Variants in KIF1A observed in about 807,000 individuals in gnomAD.
KIF1A encodes kinesin family member 1A.
Under a neutral mutation model 227.3 loss-of-function variants are expected in KIF1A, and 46 were observed. The ratio of observed to expected loss-of-function variants is 0.20; its 90% CI spans 0.16 to 0.26. The LOEUF (loss-of-function observed/expected upper bound fraction) is 0.26. KIF1A is among the 10% of genes least tolerant of loss of function. The pLI, the probability that KIF1A is intolerant of heterozygous loss-of-function variation, is 1.00. For missense variants in KIF1A, 1,683 were observed against 2,485.9 expected (o/e 0.68, Z 6.87); for synonymous variants, 1,022 against 1,012.8 (o/e 1.01, Z -0.17).
At chr2:240,779,908 C>T (rs560783639) in intron 10 of KIF1A, among the ~76,000 whole-genome samples, 1 of 152,174 alleles carries the variant, frequency 6.6e-6, no homozygotes, top group Non-Finnish European at 1.5e-5. Flanking sequence ...CCCAGGCCTC[C>T]CCACGCCCCA....
intron 1 of KIF1A, among the ~76,000 whole-genome samples, chr2:240,798,564 A>G (rs1163983660): frequency 6.6e-6 from 1 of 152,078 alleles, no homozygotes; most frequent in East Asian, 1.9e-4. Context: ...GCCCCAGTTT[A>G]CCGTCTGTGA....
rs752566133 is a variant in KIF1A, at chr2:240,771,187, G to A, written c.1208-83C>T. The A allele has an allele frequency of 6.2e-5, 97 of 1,570,186 alleles. 1 individual carries two copies. The Admixed American group carries it at 1.6e-3, about 26-fold the overall frequency. ...TCTCAAGGTCGGACACGTCTATGGG[G>A]AGGAGGGGTAGGGCGGGCAGACAGA... On this transcript the variant is annotated intron_variant, in intron 14 of 48. Coordinates refer to ENST00000498729, the MANE Select transcript of KIF1A (RefSeq NM_001244008.2).
Position 240,758,690 on chromosome 2 carries a change from C to T in KIF1A, c.2445-193G>A, listed in dbSNP as rs1404764193. Among the ~76,000 whole-genome samples the T allele has an allele frequency of 2.6e-5, 4 of 152,170 alleles. No individual in the cohort carries two copies. The highest frequency in any genetic ancestry group is 5.9e-5 in the Non-Finnish European group (4 of 68,032). The stretch of plus-strand genomic sequence containing the variant: ...CTTAGAGCTGGTCAGTCACAAGTAA[C>T]GTACTCAGCTAAGCACGCAAGGTCA... On this transcript the variant is annotated intron_variant, in intron 25 of 48. Coordinates refer to ENST00000498729, the MANE Select transcript of KIF1A (RefSeq NM_001244008.2). This position sits in a 1 kb window ranked among gnomAD's most constrained non-coding sequence, Gnocchi z 5.2.
rs3772046 is a variant in KIF1A at position 240,724,272 on chromosome 2, G to C, written c.4257-236C>G. The C allele has an allele frequency of 0.31, 172,673 of 562,386 alleles. 28,673 individuals carry two copies. Among genetic ancestry groups the C allele is most frequent in the African/African-American group, 0.51 (26,851 of 52,938 alleles). 34.8% of individuals were successfully genotyped at this position (562,386 alleles called of 1,614,324 possible). ...GCTCAGGTGCCCATGGGGCTGTGAC[G>C]TGAGGCCAGGCCCCCACAGCAGCCT... On this transcript the variant is annotated intron_variant, in intron 40 of 48. Coordinates refer to ENST00000498729, the MANE Select transcript of KIF1A (RefSeq NM_001244008.2).
intron 12 of KIF1A, 39 bp downstream of exon 12, chr2:240,774,144 G>T: frequency 7.4e-7 from 1 of 1,351,622 alleles, no homozygotes; most frequent in Non-Finnish European, 1.0e-6. Context: ...CCCAAGACCA[G>T]GGAGCGGGAA....
chr2:240,803,249 A>G (rs1442529958), intron 1 of KIF1A, among the ~76,000 whole-genome samples: 1 of 152,256 alleles, frequency 6.6e-6, no homozygotes, highest in Admixed American at 6.5e-5. Flanking sequence ...TGCGGAAGGT[A>G]GCTAAAGCCG....
At chr2:240,759,830 G>T (rs923188028) in intron 25 of KIF1A, among the ~76,000 whole-genome samples, 25 of 152,130 alleles carry the variant, frequency 1.6e-4, no homozygotes, top group Non-Finnish European at 3.2e-4. Flanking sequence ...AACAGAGCGA[G>T]ACCTCATCTC....
chr2:240,727,055 T>TG (rs1330666815), intron 38 of KIF1A, 115 bp from the exon 39 acceptor site: 7 of 617,532 alleles, frequency 1.1e-5, no homozygotes, highest in Non-Finnish European at 2.0e-5. Flanking sequence ...AGGGAGCGGC[T>TG]GGGGGCACAG....
chr2:240,816,703 A>C (rs1462913536), intron 1 of KIF1A, among the ~76,000 whole-genome samples: 1 of 152,196 alleles, frequency 6.6e-6, no homozygotes, highest in Non-Finnish European at 1.5e-5. Flanking sequence ...CCTCCTACTC[A>C]TTCCGGCAAC....
At chr2:240,787,011 C>G (rs1261721432) in intron 5 of KIF1A, among the ~76,000 whole-genome samples, 5 of 152,194 alleles carry the variant, frequency 3.3e-5, no homozygotes, top group Non-Finnish European at 5.9e-5. Context: ...CCTGCCCATG[C>G]CCTGGCACAG....
In KIF1A at chr2:240,717,419, T is replaced by C. The variant is rs1202679134; in HGVS notation, c.5334-13A>G. The stretch of plus-strand genomic sequence containing the variant: ...GGAGAGCTTGGACCTGCAGAAGAGT[T>C]GGGAGAGGCGGCGTGGTCAGGCCAG... On this transcript the variant is annotated splice_polypyrimidine_tract_variant and intron_variant, in intron 48 of 48. Transcript: ENST00000498729. The C allele has an allele frequency of 6.2e-7, 1 of 1,610,368 alleles. No homozygotes were observed. The highest frequency in any genetic ancestry group is 1.7e-4 in the Middle Eastern group (1 of 6,044).
rs1197983404 is a variant in KIF1A, at chr2:240,758,211, C to G, written c.2582+149G>C. Reference sequence around the variant, plus strand: ...GGAGAGGAATGGCTGGGAGGAACCTCAGGCCAGGGAGGACAGGGCTGGGAA... The same window carrying G: ...GGAGAGGAATGGCTGGGAGGAACCTGAGGCCAGGGAGGACAGGGCTGGGAA... On this transcript the variant is annotated intron_variant, in intron 26 of 48. Coordinates refer to ENST00000498729, the MANE Select transcript of KIF1A (RefSeq NM_001244008.2). The surrounding 1 kb of genome is among the most constrained non-coding windows in gnomAD (Gnocchi z 5.2). 1.6e-5 allele frequency: 14 copies of G among 870,176 alleles called. No individual in the cohort carries two copies. The East Asian group carries it at 3.7e-4, about 23-fold the overall frequency. The allele number at this position is 870,176 out of a possible 1,614,324, so 53.9% of individuals were successfully genotyped here.
chr2:240,754,461 A>G (rs2049598095), intron 27 of KIF1A, among the ~76,000 whole-genome samples: 1 of 152,202 alleles, frequency 6.6e-6, no homozygotes, highest in African/African-American at 2.4e-5. Flanking sequence ...TGGCAGCACC[A>G]GCCTCAAGAG....
At position 240,804,308 on chromosome 2, in the gene KIF1A, CA is replaced by C. The variant is rs201202032; in HGVS notation, c.-60-6497del. 6.0e-3 allele frequency among the ~76,000 whole-genome samples: 918 copies of C among 152,248 alleles called. 15 individuals carry two copies. The highest frequency in any genetic ancestry group is 0.021 in the African/African-American group (860 of 41,554). On this transcript the variant is annotated intron_variant, in intron 1 of 48. Coordinates refer to ENST00000498729, the MANE Select transcript of KIF1A (RefSeq NM_001244008.2). ...AACAATAATATTTCCCAACAGAGAG[CA>C]AAAGGGCTGAATGGAAGCTTCTACT...
Position 240,758,538 on chromosome 2 carries a change from G to A in KIF1A, c.2445-41C>T. The A allele has an allele frequency of 2.7e-6, 4 of 1,501,374 alleles. No homozygotes were observed. Among genetic ancestry groups the A allele is most frequent in the South Asian group, 1.4e-5 (1 of 73,746 alleles). The allele number at this position is 1,501,374 out of a possible 1,614,324, so 93.0% of individuals were successfully genotyped here. The stretch of plus-strand genomic sequence containing the variant: ...GGGTCAATGTGGACCCAGGCCCAGC[G>A]CTCAGCAGCTGGCACCGCACACCCT... On this transcript the variant is annotated intron_variant, in intron 25 of 48. Transcript: ENST00000498729. This position sits in a 1 kb window ranked among gnomAD's most constrained non-coding sequence, Gnocchi z 5.2.
rs1306422611 is a variant in KIF1A at position 240,789,694 on chromosome 2, G to C, written c.107-382C>G. 6.6e-6 allele frequency among the ~76,000 whole-genome samples: 1 copy of C among 151,780 alleles called. No homozygotes were observed. Among genetic ancestry groups the C allele is most frequent in the Non-Finnish European group, 1.5e-5 (1 of 68,014 alleles). The stretch of plus-strand genomic sequence containing the variant: ...CAGCCCCTGCCCTGCCCCGCCCCCT[G>C]CTCAGGCCTTTATGCTCCGGCTCAG... On this transcript the variant is annotated intron_variant, in intron 2 of 48. Transcript: ENST00000498729. This position sits in a 1 kb window ranked among gnomAD's most constrained non-coding sequence, Gnocchi z 4.8.
At chr2:240,816,549 G>T (rs966428822) in intron 1 of KIF1A, among the ~76,000 whole-genome samples, 1 of 152,138 alleles carries the variant, frequency 6.6e-6, no homozygotes, top group Admixed American at 6.5e-5. Flanking sequence ...CTGAAATCTG[G>T]CAGGGATGGC....
intron 1 of KIF1A, among the ~76,000 whole-genome samples, chr2:240,803,319 A>T (rs1223902217): frequency 6.6e-6 from 1 of 152,248 alleles, no homozygotes; most frequent in African/African-American, 2.4e-5. Context: ...GCCCCACATC[A>T]TCCCCAGGTT....
rs10196375 is a variant in KIF1A, at chr2:240,746,405, C to T, written c.3064-228G>A. ...GTCTTTGGATTCTACAGCCTATGGC[C>T]ATGGGAGTTCTGAGCTGTCCTGGAA... On this transcript the variant is annotated intron_variant, in intron 29 of 48. Coordinates refer to ENST00000498729, the MANE Select transcript of KIF1A (RefSeq NM_001244008.2). Among the ~76,000 whole-genome samples, 75,991 of 152,066 alleles carry T rather than the reference C, an allele frequency of 0.5. 19,131 individuals are homozygous for T. The highest frequency in any genetic ancestry group is 0.66 in the East Asian group (3,405 of 5,144).
Sources: gnomAD v4.1 joint callset for allele counts (sites outside exome capture counted in the v4.1 genomes callset) on GRCh38, gnomAD v4.1.1 for gene constraint, Gnocchi (gnomAD v3.1) non-coding constraint, MANE v1.5 for transcripts, NCBI Gene and HGNC (gene_info 2026-07-23, HGNC 2026-07-21) for gene names.